The following GNG4 variants were observed in gnomAD, a reference collection of about 807,000 sequenced individuals.
GNG4 encodes the protein guanine nucleotide-binding protein G(I)/G(S)/G(O) subunit gamma-4.
A neutral mutation model predicts 5.8 loss-of-function variants in GNG4; 4 were observed. The ratio of observed to expected loss-of-function variants is 0.69; its 90% CI spans 0.34 to 1.57. The LOEUF (loss-of-function observed/expected upper bound fraction) is 1.57. Ranked by LOEUF, GNG4 falls within the 40% of genes most tolerant of loss-of-function variation. GNG4 has a pLI of 0.06. For missense variants in GNG4, 96 were observed against 95.1 expected, an observed-to-expected ratio of 1.01 and a Z score of -0.04; for synonymous variants, 29 against 32.9, an observed-to-expected ratio of 0.88 and a Z score of 0.41.
intron 3 of GNG4, among the ~76,000 whole-genome samples, chr1:235,568,630 C>T (rs1017527532): frequency 6.6e-6 from 1 of 152,124 alleles, no homozygotes; most frequent in African/African-American, 2.4e-5. Flanking sequence ...GATGCTGTTT[C>T]TCCTTGGGCT....
intron 1 of GNG4, among the ~76,000 whole-genome samples, chr1:235,617,359 C>T (rs964124966): frequency 8.5e-5 from 13 of 152,132 alleles, no homozygotes; most frequent in Admixed American, 2.0e-4. Flanking sequence ...GAAAGTGGGA[C>T]GGATGCTCTG....
intron 3 of GNG4, among the ~76,000 whole-genome samples, chr1:235,579,218 A>G (rs1167834987): frequency 6.6e-6 from 1 of 152,126 alleles, no homozygotes; most frequent in African/African-American, 2.4e-5. Flanking sequence ...AATAGGTTTT[A>G]AGTGTTCTCA....
At chr1:235,630,365 G>A (rs1412174711) in intron 1 of GNG4, among the ~76,000 whole-genome samples, 1 of 152,200 alleles carries the variant, frequency 6.6e-6, no homozygotes, top group African/African-American at 2.4e-5. Context: ...GTACTTGAAT[G>A]TTTGCTGCTG....
chr1:235,570,208 C>A (rs527906547), intron 3 of GNG4, among the ~76,000 whole-genome samples: 1 of 152,192 alleles, frequency 6.6e-6, no homozygotes, highest in African/African-American at 2.4e-5. Flanking sequence ...CTAATTGCTT[C>A]GGTCTGACAC....
chr1:235,585,055 A>G (rs962187840), intron 2 of GNG4, among the ~76,000 whole-genome samples: 1 of 152,102 alleles, frequency 6.6e-6, no homozygotes, highest in Non-Finnish European at 1.5e-5. Flanking sequence ...CCTATGGGCA[A>G]CCAATCACAC....
chr1:235,634,196 G>A lies in GNG4; in HGVS notation c.-123+15466C>T, dbSNP rs544050772. ...GTAAAGCTTCCCAGTCAATGCCCTT[G>A]TGTCACGAGTGGTTACTGTCTGGGG... On this transcript the variant is annotated intron_variant, in intron 1 of 3. Transcript: ENST00000391854. Among the ~76,000 whole-genome samples the A allele has an allele frequency of 7.2e-5, 11 of 152,320 alleles. No homozygotes were observed. In the South Asian group the frequency reaches 2.3e-3, roughly 32 times the overall value.
At chr1:235,591,172 C>T (rs779382105) in intron 2 of GNG4, among the ~76,000 whole-genome samples, 9 of 152,286 alleles carry the variant, frequency 5.9e-5, no homozygotes, top group African/African-American at 1.2e-4. Flanking sequence ...AATTTCCCAG[C>T]GCTCCTCAGC....
intron 1 of GNG4, among the ~76,000 whole-genome samples, chr1:235,645,113 T>C (rs1558508252): frequency 6.6e-6 from 1 of 152,202 alleles, no homozygotes; most frequent in Admixed American, 6.5e-5. Flanking sequence ...CTCTGGCCTC[T>C]GGCCTCCAAG....
chr1:235,643,742 C>CA (rs1422815471), intron 1 of GNG4, among the ~76,000 whole-genome samples: 1 of 152,160 alleles, frequency 6.6e-6, no homozygotes, highest in Non-Finnish European at 1.5e-5. Flanking sequence ...CCAGGAAGAT[C>CA]ACAGTGAGAT....
intron 2 of GNG4, among the ~76,000 whole-genome samples, chr1:235,588,111 G>C (rs912484451): frequency 2.0e-5 from 3 of 151,908 alleles, no homozygotes; most frequent in Non-Finnish European, 4.4e-5. Flanking sequence ...TCATTCTTCC[G>C]CTGTTCAAAA....
At chr1:235,562,725 A>G (rs1558475070) in intron 3 of GNG4, among the ~76,000 whole-genome samples, 2 of 151,764 alleles carry the variant, frequency 1.3e-5, no homozygotes, top group South Asian at 2.1e-4. Context: ...ATCACATTGA[A>G]TCTACAGATC....
At chr1:235,634,779 C>A (rs1444785802) in intron 1 of GNG4, among the ~76,000 whole-genome samples, 1 of 151,934 alleles carries the variant, frequency 6.6e-6, no homozygotes, top group Non-Finnish European at 1.5e-5. Context: ...CCTGTTTCTA[C>A]TAAAAAATAC....
chr1:235,565,513 A>T (rs1271763416), intron 3 of GNG4, among the ~76,000 whole-genome samples: 1 of 152,164 alleles, frequency 6.6e-6, no homozygotes, highest in Non-Finnish European at 1.5e-5. Context: ...GTTTCAAAAA[A>T]CAAACAAACA....
chr1:235,571,648 T>C (rs1687347532), intron 3 of GNG4, among the ~76,000 whole-genome samples: 1 of 152,158 alleles, frequency 6.6e-6, no homozygotes, highest in Non-Finnish European at 1.5e-5. Context: ...TATACAGTCA[T>C]GTGTCGCTTA....
At chr1:235,610,257 A>T (rs759204126) in intron 1 of GNG4, among the ~76,000 whole-genome samples, 2 of 152,220 alleles carry the variant, frequency 1.3e-5, no homozygotes, top group African/African-American at 2.4e-5. Flanking sequence ...TGCAGGTGTT[A>T]TCCTTTGCCA....
At chr1:235,605,953 T>G (rs1688347336) in intron 1 of GNG4, among the ~76,000 whole-genome samples, 4 of 84,658 alleles carry the variant, frequency 4.7e-5, no homozygotes, top group South Asian at 4.5e-4. Flanking sequence ...TGATTGAGAG[T>G]GTGGGGGGGT....
intron 2 of GNG4, among the ~76,000 whole-genome samples, chr1:235,590,083 A>C (rs1399594612): frequency 6.6e-6 from 1 of 152,168 alleles, no homozygotes; most frequent in African/African-American, 2.4e-5. Context: ...ATATTTATGC[A>C]ATCTGCACCT....
At chr1:235,592,042 T>C (rs1687976038) in intron 2 of GNG4, among the ~76,000 whole-genome samples, 1 of 152,218 alleles carries the variant, frequency 6.6e-6, no homozygotes, top group Admixed American at 6.5e-5. Context: ...CCAAGGAAGC[T>C]AGAATTACGA....
intron 3 of GNG4, among the ~76,000 whole-genome samples, chr1:235,570,913 C>CAT (rs1358459494): frequency 4.6e-5 from 3 of 64,892 alleles, no homozygotes; most frequent in South Asian, 4.5e-4. Context: ...TGTGTGTATA[C>CAT]ATATATATAT....
Sources: gnomAD v4.1 joint callset for allele counts (sites outside exome capture counted in the v4.1 genomes callset) on GRCh38, gnomAD v4.1.1 for gene constraint, MANE v1.5 for transcripts, NCBI Gene and HGNC (gene_info 2026-07-23, HGNC 2026-07-21) for gene names.